The following BCKDHB variants were observed in gnomAD, a reference collection of about 807,000 sequenced individuals.
BCKDHB encodes the protein branched chain keto acid dehydrogenase E1 subunit beta.
BCKDHB carries 41 observed loss-of-function variants against 48.5 expected under a neutral mutation model. That is an observed-to-expected ratio of 0.85 (90% CI 0.66 to 1.10). The LOEUF (loss-of-function observed/expected upper bound fraction) is 1.10. BCKDHB is among the 50% of genes least tolerant of loss of function. The pLI, the probability that BCKDHB is intolerant of heterozygous loss-of-function variation, is 0.00. For missense variants in BCKDHB, 496 were observed against 494.2 expected (o/e 1.00, Z -0.03); for synonymous variants, 201 against 174.8 (o/e 1.15, Z -1.18).
chr6:80,109,644 C>A (rs939198937), intron 1 of BCKDHB, among the ~76,000 whole-genome samples: 5 of 151,776 alleles, frequency 3.3e-5, no homozygotes, highest in African/African-American at 1.2e-4. Context: ...GAATATTTTC[C>A]CATGTTTTTG....
intron 9 of BCKDHB, among the ~76,000 whole-genome samples, chr6:80,297,746 C>T (rs1382482032): frequency 6.6e-6 from 1 of 152,132 alleles, no homozygotes; most frequent in Non-Finnish European, 1.5e-5. Flanking sequence ...TTCTCTGATC[C>T]ATACTTGCAG....
chr6:80,135,422 T>C (rs1266691927), intron 3 of BCKDHB, among the ~76,000 whole-genome samples: 1 of 152,138 alleles, frequency 6.6e-6, no homozygotes, highest in Non-Finnish European at 1.5e-5. Context: ...CAGATATAGA[T>C]TGTGAGATGT....
chr6:80,160,701 AAG>A (rs1421712825), intron 3 of BCKDHB, among the ~76,000 whole-genome samples: 1 of 152,210 alleles, frequency 6.6e-6, no homozygotes, highest in Non-Finnish European at 1.5e-5. Context: ...TTTACAAAAG[AAG>A]AACACTATTA....
the BCKDHB span, among the ~76,000 whole-genome samples, chr6:80,446,720 ATTTT>A: frequency 3.0e-3 from 336 of 111,348 alleles, 1 homozygote; most frequent in African/African-American, 0.011. Context: ...CTTCTGGACA[ATTTT>A]TTTTTTTTTT....
chr6:80,288,729 TTAA>T lies in BCKDHB; in HGVS notation c.1038+15509_1038+15511del, dbSNP rs984664643. The stretch of plus-strand genomic sequence containing the variant: ...GTTTTTAAACTAACTTGTATTATAA[TTAA>T]AGTTAGTCATATATGTATATATAAA... On this transcript the variant is annotated intron_variant, in intron 9 of 9. Coordinates refer to ENST00000320393, the MANE Select transcript of BCKDHB (RefSeq NM_183050.4). Among the ~76,000 whole-genome samples, 65 of 152,206 alleles carry T rather than the reference TTAA, an allele frequency of 4.3e-4. 1 individual carries two copies. The highest frequency in any genetic ancestry group is 1.5e-3 in the African/African-American group (61 of 41,522).
At chr6:80,415,200 G>T in the BCKDHB span, among the ~76,000 whole-genome samples, 5 of 152,124 alleles carry the variant, frequency 3.3e-5, no homozygotes, top group African/African-American at 1.2e-4. Context: ...AGGTCATGTT[G>T]TTTGCAAACA....
At chr6:80,115,295 G>A (rs12529191) in intron 1 of BCKDHB, among the ~76,000 whole-genome samples, 12,892 of 152,034 alleles carry the variant, frequency 0.085, 643 homozygotes, top group African/African-American at 0.11. Context: ...CTATCGTCAC[G>A]TACTACTGTG....
At chr6:80,121,171 G>C (rs1003582256) in intron 1 of BCKDHB, among the ~76,000 whole-genome samples, 2 of 152,140 alleles carry the variant, frequency 1.3e-5, no homozygotes, top group African/African-American at 4.8e-5. Flanking sequence ...TCAGATGGTT[G>C]TAGATTTGTG....
At chr6:80,183,069 A>G (rs1043342502) in intron 6 of BCKDHB, among the ~76,000 whole-genome samples, 4 of 152,086 alleles carry the variant, frequency 2.6e-5, no homozygotes, top group Non-Finnish European at 4.4e-5. Context: ...CTCTGCTTGT[A>G]TATATATGTG....
the BCKDHB span, among the ~76,000 whole-genome samples, chr6:80,457,963 G>A: frequency 6.6e-6 from 1 of 152,186 alleles, no homozygotes; most frequent in Non-Finnish European, 1.5e-5. Context: ...GAGTGCATTA[G>A]CTGAAGCTTG....
chr6:80,459,493 G>T, the BCKDHB span, among the ~76,000 whole-genome samples: 1 of 152,118 alleles, frequency 6.6e-6, no homozygotes, highest in African/African-American at 2.4e-5. Context: ...GGTAAATAGG[G>T]AATTACTAAT....
intron 9 of BCKDHB, among the ~76,000 whole-genome samples, chr6:80,343,082 G>T (rs1416131135): frequency 6.6e-6 from 1 of 152,124 alleles, no homozygotes; most frequent in Non-Finnish European, 1.5e-5. Context: ...GTAATAACCT[G>T]AGATTTGTAC....
intron 3 of BCKDHB, among the ~76,000 whole-genome samples, chr6:80,149,644 A>G (rs545369346): frequency 5.9e-5 from 9 of 151,504 alleles, no homozygotes; most frequent in Non-Finnish European, 1.0e-4. Context: ...AATACTATGC[A>G]GCCATAAAAA....
intron 9 of BCKDHB, among the ~76,000 whole-genome samples, chr6:80,279,478 C>T (rs960141636): frequency 2.6e-5 from 4 of 152,014 alleles, no homozygotes; most frequent in Admixed American, 2.0e-4. Context: ...TTATCTTTGT[C>T]TCCAGCTGTT....
intron 6 of BCKDHB, among the ~76,000 whole-genome samples, chr6:80,192,526 A>G (rs1773945245): frequency 6.6e-6 from 1 of 152,212 alleles, no homozygotes; most frequent in African/African-American, 2.4e-5. Context: ...TGGTGATAGG[A>G]GAACTTTTGC....
intron 9 of BCKDHB, among the ~76,000 whole-genome samples, chr6:80,312,087 C>T (rs565250134): frequency 1.3e-5 from 2 of 152,248 alleles, no homozygotes; most frequent in South Asian, 4.2e-4. Flanking sequence ...TTTGTGTCAT[C>T]TCTGGATTTC....
At chr6:80,279,714 T>C (rs1170416714) in intron 9 of BCKDHB, among the ~76,000 whole-genome samples, 1 of 152,110 alleles carries the variant, frequency 6.6e-6, no homozygotes, top group Non-Finnish European at 1.5e-5. Flanking sequence ...ATTTCCTGAA[T>C]GATAAGTATT....
At chr6:80,410,038 G>A in the BCKDHB span, among the ~76,000 whole-genome samples, 2 of 152,050 alleles carry the variant, frequency 1.3e-5, no homozygotes, top group Non-Finnish European at 2.9e-5. Flanking sequence ...TTTCTTCCTA[G>A]CATCAATGGC....
In BCKDHB at chr6:80,146,785, A is replaced by T. The variant is rs113140863; in HGVS notation, c.343+17556A>T. Among the ~76,000 whole-genome samples the T allele has an allele frequency of 3.6e-4, 55 of 152,262 alleles. 1 individual carries two copies. The highest frequency in any genetic ancestry group is 1.2e-3 in the African/African-American group (49 of 41,552). ...GAAAATCTTTTTAAGAGCCCCTCAG[A>T]TCTCTAGCTTCCCTCTACCACCTGG... On this transcript the variant is annotated intron_variant, in intron 3 of 9. Coordinates refer to ENST00000320393, the MANE Select transcript of BCKDHB (RefSeq NM_183050.4).
Sources: gnomAD v4.1 joint callset for allele counts (sites outside exome capture counted in the v4.1 genomes callset) on GRCh38, gnomAD v4.1.1 for gene constraint, MANE v1.5 for transcripts, NCBI Gene and HGNC (gene_info 2026-07-23, HGNC 2026-07-21) for gene names.